Variants in PBX3 observed in about 807,000 individuals in gnomAD.
PBX3 encodes pre-B-cell leukemia transcription factor 3.
A neutral mutation model predicts 48.5 loss-of-function variants in PBX3; 14 were observed. That is an observed-to-expected ratio of 0.29 (90% CI 0.19 to 0.45). PBX3 has a LOEUF of 0.45. Ranked by LOEUF, PBX3 falls within the 20% of genes least tolerant of loss-of-function variation. PBX3 has a pLI of 1.00. For synonymous variants in PBX3, 210 were observed against 200.3 expected, an observed-to-expected ratio of 1.05 and a Z score of -0.41; for missense variants, 386 against 546.7, an observed-to-expected ratio of 0.71 and a Z score of 2.93.
At chr9:125,769,843 G>A (rs555581206) in intron 2 of PBX3, among the ~76,000 whole-genome samples, 29 of 152,178 alleles carry the variant, frequency 1.9e-4, no homozygotes, top group Admixed American at 1.8e-3. Context: ...GATTTCTAAG[G>A]CTTTATTCAG....
At chr9:125,881,886 C>A (rs1169465830) in intron 2 of PBX3, among the ~76,000 whole-genome samples, 1 of 151,640 alleles carries the variant, frequency 6.6e-6, no homozygotes, top group East Asian at 1.9e-4. Flanking sequence ...TGGGAGGATC[C>A]ATTATCATTA....
At chr9:125,858,189 C>T (rs1271127608) in intron 2 of PBX3, among the ~76,000 whole-genome samples, 7 of 152,108 alleles carry the variant, frequency 4.6e-5, no homozygotes, top group Non-Finnish European at 2.9e-5. Context: ...TATAGGGAGA[C>T]CCCATCACTA....
At chr9:125,802,943 T>C (rs911145850) in intron 2 of PBX3, among the ~76,000 whole-genome samples, 1 of 152,058 alleles carries the variant, frequency 6.6e-6, no homozygotes, top group African/African-American at 2.4e-5. Flanking sequence ...CCTCCCAAAG[T>C]GCTGGGATTA....
At chr9:125,897,140 G>GT (rs200046509) in intron 2 of PBX3, among the ~76,000 whole-genome samples, 36 of 88,770 alleles carry the variant, frequency 4.1e-4, no homozygotes, top group Middle Eastern at 5.4e-3. Flanking sequence ...ATTCATTTGT[G>GT]GTTTTTTTTT....
At chr9:125,782,986 G>C (rs117453056) in intron 2 of PBX3, among the ~76,000 whole-genome samples, 1 of 151,968 alleles carries the variant, frequency 6.6e-6, no homozygotes, top group Non-Finnish European at 1.5e-5. Context: ...TCAAGATTCT[G>C]TTTCTTTCAA....
chr9:125,875,264 A>G (rs1464132044), intron 2 of PBX3, among the ~76,000 whole-genome samples: 1 of 152,126 alleles, frequency 6.6e-6, no homozygotes, highest in Non-Finnish European at 1.5e-5. Flanking sequence ...TTTGTAATTG[A>G]AATAACTTTA....
chr9:125,910,284 C>G (rs1354067300), intron 2 of PBX3, among the ~76,000 whole-genome samples: 1 of 152,108 alleles, frequency 6.6e-6, no homozygotes, highest in Non-Finnish European at 1.5e-5. Context: ...GCCACCCTCT[C>G]CACGTCAGGG....
At chr9:125,822,373 G>A (rs1197953080) in intron 2 of PBX3, among the ~76,000 whole-genome samples, 2 of 152,104 alleles carry the variant, frequency 1.3e-5, no homozygotes, top group Non-Finnish European at 2.9e-5. Flanking sequence ...CGTAGCCATG[G>A]CAGTGGTTTT....
At chr9:125,790,190 G>A (rs1049949187) in intron 2 of PBX3, among the ~76,000 whole-genome samples, 4 of 152,024 alleles carry the variant, frequency 2.6e-5, no homozygotes, top group African/African-American at 9.7e-5. Flanking sequence ...AGATAATTTT[G>A]ATCTCTAATA....
At chr9:125,823,532 A>G (rs536306552) in intron 2 of PBX3, among the ~76,000 whole-genome samples, 1 of 151,850 alleles carries the variant, frequency 6.6e-6, no homozygotes, top group Admixed American at 6.6e-5. Flanking sequence ...AGGATAAATT[A>G]CTTTTTTTTT....
rs141134170 is a variant in PBX3 at position 125,934,500 on chromosome 9, C to G, written c.708-972C>G. Among the ~76,000 whole-genome samples, 991 of 152,216 alleles carry G rather than the reference C, an allele frequency of 6.5e-3. 11 individuals are homozygous for G. Among genetic ancestry groups the G allele is most frequent in the Non-Finnish European group, 8.1e-3 (548 of 67,984 alleles). On this transcript the variant is annotated intron_variant, in intron 4 of 8. Coordinates refer to ENST00000373489, the MANE Select transcript of PBX3 (RefSeq NM_006195.6). ...CTGGAATTCTTTAAAATCTTAATAA[C>G]AAAACCCAAATATAAATGACATTTT...
In PBX3 at chr9:125,791,271, A is replaced by T. The variant is rs540063706; in HGVS notation, c.274+42648A>T. On this transcript the variant is annotated intron_variant, in intron 2 of 8. Coordinates refer to ENST00000373489, the MANE Select transcript of PBX3 (RefSeq NM_006195.6). Reference sequence around the variant, plus strand: ...ATGTTAGCTAATAATTGTAGTACACATACATTTTTATCTGTCTGTCTGTCT... The same window carrying T: ...ATGTTAGCTAATAATTGTAGTACACTTACATTTTTATCTGTCTGTCTGTCT... 2.7e-5 allele frequency among the ~76,000 whole-genome samples: 4 copies of T among 148,532 alleles called. No homozygotes were observed. The South Asian group carries it at 8.6e-4, about 32-fold the overall frequency.
At chr9:125,792,044 ACGCACG>A (rs1329196831) in intron 2 of PBX3, among the ~76,000 whole-genome samples, 4 of 23,588 alleles carry the variant, frequency 1.7e-4, no homozygotes, top group African/African-American at 5.2e-4. Context: ...ACACACACAC[ACGCACG>A]CACGCACGCA....
At chr9:125,958,761 A>G (rs941068469) in intron 5 of PBX3, among the ~76,000 whole-genome samples, 2 of 152,236 alleles carry the variant, frequency 1.3e-5, no homozygotes, top group African/African-American at 4.8e-5. Context: ...ATGAGAACTC[A>G]CTATAAATCT....
chr9:125,835,051 A>AG lies in PBX3; in HGVS notation c.275-80632dup, dbSNP rs1398832399. On this transcript the variant is annotated intron_variant, in intron 2 of 8. Coordinates refer to ENST00000373489, the MANE Select transcript of PBX3 (RefSeq NM_006195.6). ...AAAAAAAAAAAAAAAAAAAAAAAAA[A>AG]GGGCAAAAGATATGAAAAGACAAGT... Among the ~76,000 whole-genome samples the AG allele has an allele frequency of 1.1e-4, 12 of 108,060 alleles. 2 individuals carry two copies. The highest frequency in any genetic ancestry group is 4.6e-4 in the African/African-American group (12 of 26,366). 70.9% of individuals were successfully genotyped at this position (108,060 alleles called of 152,430 possible). A position where few individuals can be genotyped will look rare whatever the true frequency, so the allele number is the denominator to read the frequency against.
At chr9:125,797,856 G>A (rs1837830275) in intron 2 of PBX3, among the ~76,000 whole-genome samples, 1 of 152,202 alleles carries the variant, frequency 6.6e-6, no homozygotes. Flanking sequence ...TAAGAGACCA[G>A]AAGCAAAACA....
At chr9:125,870,123 C>G (rs1357592890) in intron 2 of PBX3, among the ~76,000 whole-genome samples, 5 of 151,474 alleles carry the variant, frequency 3.3e-5, no homozygotes, top group Non-Finnish European at 7.4e-5. Flanking sequence ...CTCACTGAGA[C>G]AGTAGCACGA....
At chr9:125,940,560 C>T (rs377153579) in intron 5 of PBX3, among the ~76,000 whole-genome samples, 2 of 152,138 alleles carry the variant, frequency 1.3e-5, no homozygotes, top group East Asian at 3.8e-4. Context: ...TCCTTAGTAA[C>T]AGTATTTGTA....
chr9:125,938,657 G>T (rs1430286123), intron 5 of PBX3, among the ~76,000 whole-genome samples: 1 of 152,152 alleles, frequency 6.6e-6, no homozygotes, highest in East Asian at 1.9e-4. Flanking sequence ...GAAGACAAAA[G>T]CGGGGAAGGA....
Sources: allele counts gnomAD v4.1 joint callset (sites outside exome capture counted in the v4.1 genomes callset), GRCh38; gene constraint gnomAD v4.1.1; transcripts MANE v1.5; gene names NCBI Gene and HGNC (gene_info 2026-07-23, HGNC 2026-07-21).